SLC9C1: variants seen among roughly 807,000 people sequenced by gnomAD.
SLC9C1 encodes the protein solute carrier family 9 member C1, also known as sodium/hydrogen exchanger 10.
In SLC9C1, 97 loss-of-function variants were observed where a neutral mutation model predicts 140.9. The observed-to-expected ratio is 0.69, with a 90% CI of 0.58 to 0.82. The LOEUF is 0.82. Ranked by LOEUF, SLC9C1 falls within the 40% of genes least tolerant of loss-of-function variation. The pLI, the probability that SLC9C1 is intolerant of heterozygous loss-of-function variation, is 0.00. For missense variants in SLC9C1, 1,340 were observed against 1,389.3 expected (o/e 0.96, Z 0.56); for synonymous variants, 440 against 442.6 (o/e 0.99, Z 0.07).
At chr3:112,251,563 G>A (rs1230796010) in intron 10 of SLC9C1, among the ~76,000 whole-genome samples, 2 of 152,116 alleles carry the variant, frequency 1.3e-5, no homozygotes, top group Admixed American at 1.3e-4. Context: ...GATCCAGGAG[G>A]CCTGAGTAGC....
intron 10 of SLC9C1, among the ~76,000 whole-genome samples, chr3:112,252,892 T>C (rs1055064130): frequency 6.6e-5 from 10 of 152,018 alleles, no homozygotes; most frequent in African/African-American, 2.4e-4. Context: ...TGCTGGTGTG[T>C]TCAGGCTGGC....
intron 1 of SLC9C1, among the ~76,000 whole-genome samples, chr3:112,290,050 C>T (rs913317421): frequency 4.6e-5 from 7 of 152,136 alleles, no homozygotes; most frequent in African/African-American, 1.7e-4. Context: ...CCAGGGGAAG[C>T]CCCTGCCATT....
At chr3:112,194,028 A>G (rs2077719814) in intron 20 of SLC9C1, among the ~76,000 whole-genome samples, 2 of 152,060 alleles carry the variant, frequency 1.3e-5, no homozygotes, top group South Asian at 4.2e-4. Context: ...TGAGCAGGGT[A>G]CACTCCACAA....
chr3:112,211,843 G>A (rs1054888870), intron 15 of SLC9C1, among the ~76,000 whole-genome samples: 1 of 152,228 alleles, frequency 6.6e-6, no homozygotes, highest in African/African-American at 2.4e-5. Flanking sequence ...CTGCCTGACA[G>A]CTTTGAAGAG....
chr3:112,158,794 A>G (rs574005082), intron 26 of SLC9C1, among the ~76,000 whole-genome samples: 6 of 151,448 alleles, frequency 4.0e-5, no homozygotes, highest in Admixed American at 2.6e-4. Flanking sequence ...AGGTTTTCCA[A>G]TTTGTTCGTG....
intron 2 of SLC9C1, among the ~76,000 whole-genome samples, chr3:112,284,179 A>T (rs186064410): frequency 6.6e-6 from 1 of 152,342 alleles, no homozygotes; most frequent in Admixed American, 6.5e-5. Flanking sequence ...TGTAATACAA[A>T]CCTATTTTAA....
At chr3:112,203,339 A>T (rs1161440228) in intron 17 of SLC9C1, among the ~76,000 whole-genome samples, 1 of 152,050 alleles carries the variant, frequency 6.6e-6, no homozygotes, top group Non-Finnish European at 1.5e-5. Flanking sequence ...GAATTAATTC[A>T]TCAGTGGAAT....
At chr3:112,175,243 C>T (rs932038056) in intron 23 of SLC9C1, among the ~76,000 whole-genome samples, 1 of 152,184 alleles carries the variant, frequency 6.6e-6, no homozygotes, top group Non-Finnish European at 1.5e-5. Context: ...CCCTAGTCAC[C>T]TCGGACTTTC....
intron 2 of SLC9C1, among the ~76,000 whole-genome samples, chr3:112,286,365 T>A (rs968975002): frequency 2.0e-5 from 3 of 152,302 alleles, no homozygotes; most frequent in Admixed American, 1.3e-4. Context: ...AATTTATAAT[T>A]TGGACAAAAC....
intron 6 of SLC9C1, among the ~76,000 whole-genome samples, chr3:112,270,571 C>T (rs543817169): frequency 2.0e-5 from 3 of 152,308 alleles, no homozygotes; most frequent in African/African-American, 4.8e-5. Context: ...CTTACAATCC[C>T]TCGGGAGGCC....
At position 112,179,634 on chromosome 3, in the gene SLC9C1, A is replaced by G; in HGVS notation, c.2816T>C (p.Ile939Thr). Residue 939 changes from isoleucine to threonine, a missense_variant, in exon 23 of 29, where the codon ATA (isoleucine) becomes ACA (threonine). By Grantham distance (89) the Ile-to-Thr change is moderately conservative (BLOSUM62 -1). Coordinates refer to ENST00000305815, the MANE Select transcript of SLC9C1 (RefSeq NM_183061.3). ...MVESKEKDFP[I>T]IDTDYMLSGE... ...ACTGAGCATATAGTCTGTGTCAATT[A>G]TCGGAAAATCTTTCTCCTTTGACTC... is the stretch of plus-strand genomic sequence containing the variant. 1 of 1,611,544 alleles carries G rather than the reference A, an allele frequency of 6.2e-7. No individual in the cohort carries two copies. The highest frequency in any genetic ancestry group is 8.5e-7 in the Non-Finnish European group (1 of 1,179,012).
At chr3:112,287,062 A>C (rs1354730510) in intron 1 of SLC9C1, among the ~76,000 whole-genome samples, 184 bp from the exon 2 acceptor site, 1 of 152,216 alleles carries the variant, frequency 6.6e-6, no homozygotes, top group Non-Finnish European at 1.5e-5. Flanking sequence ...CAAGTGATAG[A>C]GACTACCAGT....
chr3:112,203,176 A>G (rs915287051), intron 17 of SLC9C1, among the ~76,000 whole-genome samples: 1 of 152,046 alleles, frequency 6.6e-6, no homozygotes, highest in Non-Finnish European at 1.5e-5. Flanking sequence ...AGGGGAAGAG[A>G]CAATATCTAA....
At chr3:112,217,315 C>G (rs547432464) in intron 15 of SLC9C1, 127 bp downstream of exon 15, 34 of 1,093,110 alleles carry the variant, frequency 3.1e-5, no homozygotes, top group African/African-American at 3.1e-4. Flanking sequence ...GTAACCTGCA[C>G]GTTGTGCACA....
At chr3:112,146,953 T>C (rs2074813410) in intron 28 of SLC9C1, among the ~76,000 whole-genome samples, 1 of 152,176 alleles carries the variant, frequency 6.6e-6, no homozygotes, top group Non-Finnish European at 1.5e-5. Flanking sequence ...CACCTAGAAG[T>C]ATGTGTTTTA....
At chr3:112,250,526 C>A in intron 10 of SLC9C1, among the ~76,000 whole-genome samples, 1 of 150,148 alleles carries the variant, frequency 6.7e-6, no homozygotes, top group Middle Eastern at 3.4e-3. Flanking sequence ...TACAGTCCCA[C>A]CAACAGTGTA....
chr3:112,155,432 C>T (rs2075102183), intron 26 of SLC9C1, among the ~76,000 whole-genome samples: 1 of 152,114 alleles, frequency 6.6e-6, no homozygotes, highest in Admixed American at 6.6e-5. Context: ...AACAGACAGA[C>T]TAGCAAACAT....
intron 1 of SLC9C1, among the ~76,000 whole-genome samples, chr3:112,288,648 G>A (rs6769267): frequency 0.61 from 93,346 of 152,018 alleles, 28,947 homozygotes; most frequent in East Asian, 0.79. Flanking sequence ...TAGCTACTCA[G>A]GAGGCTGAGG....
rs1420071363 is a variant in SLC9C1 at position 112,141,109 on chromosome 3, C to T, written c.*163G>A. ...TTTTGCAAAAAGTATATATGTTGAACTGCTGGTTTCAAGGTCCAAATTTCT... is the reference window on the plus strand; with the variant it reads ...TTTTGCAAAAAGTATATATGTTGAATTGCTGGTTTCAAGGTCCAAATTTCT... On this transcript the variant is annotated 3_prime_UTR_variant, in exon 29 of 29. Coordinates refer to ENST00000305815, the MANE Select transcript of SLC9C1 (RefSeq NM_183061.3). The T allele has an allele frequency of 7.1e-6, 4 of 567,336 alleles. No homozygotes were observed. The highest frequency in any genetic ancestry group is 2.8e-4 in the Middle Eastern group (1 of 3,544). The allele number at this position is 567,336 out of a possible 1,614,324, so 35.1% of individuals were successfully genotyped here. A position where few individuals can be genotyped will look rare whatever the true frequency, so the allele number is the denominator to read the frequency against.
Sources: allele counts gnomAD v4.1 joint callset (sites outside exome capture counted in the v4.1 genomes callset), GRCh38; gene constraint gnomAD v4.1.1; transcripts MANE v1.5; gene names NCBI Gene and HGNC (gene_info 2026-07-23, HGNC 2026-07-21).